Variants in NFIC observed in about 807,000 individuals in gnomAD.
NFIC encodes the protein nuclear factor I C, also known as nuclear factor 1 C-type.
NFIC carries 12 observed loss-of-function variants against 54.4 expected under a neutral mutation model. That is an observed-to-expected ratio of 0.22 (90% CI 0.14 to 0.36). The LOEUF (loss-of-function observed/expected upper bound fraction) is 0.36, where lower values mean the gene tolerates loss of function less well. Ranked by LOEUF, NFIC falls within the 10% of genes least tolerant of loss-of-function variation. The pLI, the probability that NFIC is intolerant of heterozygous loss-of-function variation, is 1.00. For synonymous variants in NFIC, 322 were observed against 319.2 expected (o/e 1.01, Z -0.09); for missense variants, 575 against 718.2 (o/e 0.80, Z 2.28).
intron 6 of NFIC, among the ~76,000 whole-genome samples, chr19:3,447,848 G>A (rs1225398337): frequency 6.6e-6 from 1 of 152,246 alleles, no homozygotes; most frequent in African/African-American, 2.4e-5. Flanking sequence ...GGAAGCCGAT[G>A]TTTGGTGGGT....
chr19:3,415,472 A>G (rs1466724630), intron 2 of NFIC, among the ~76,000 whole-genome samples: 2 of 151,990 alleles, frequency 1.3e-5, no homozygotes, highest in Non-Finnish European at 2.9e-5. Context: ...TACACAGGTC[A>G]GGTCTGCCTC....
At chr19:3,445,251 A>G (rs1388230307) in intron 6 of NFIC, among the ~76,000 whole-genome samples, 1 of 152,140 alleles carries the variant, frequency 6.6e-6, no homozygotes, top group Non-Finnish European at 1.5e-5. Flanking sequence ...ACGTGCCGAC[A>G]AGACCAGCCT....
rs575461977 is a variant in NFIC at position 3,427,468 on chromosome 19, G to C, written c.634+2291G>C. Among the ~76,000 whole-genome samples the C allele has an allele frequency of 3.7e-4, 57 of 152,208 alleles. 2 individuals carry two copies. In the South Asian group the frequency reaches 0.012, roughly 32 times the overall value. ...CTTGTAGAAAGAAAAGAAGGAGAGA[G>C]GGAGGGATGAAGCAGAGAGAAGAAG... On this transcript the variant is annotated intron_variant, in intron 3 of 10. Transcript: ENST00000443272.
At chr19:3,442,517 A>G (rs1266493057) in intron 6 of NFIC, among the ~76,000 whole-genome samples, 2 of 151,510 alleles carry the variant, frequency 1.3e-5, no homozygotes, top group Middle Eastern at 3.4e-3. Flanking sequence ...AATAGCTGGG[A>G]CTGGGACTAC....
chr19:3,395,741 C>T (rs748375465), intron 2 of NFIC, among the ~76,000 whole-genome samples: 8 of 151,806 alleles, frequency 5.3e-5, no homozygotes, highest in Non-Finnish European at 8.8e-5. Context: ...AGTGCAGTGG[C>T]GCAATCTTGG....
intron 3 of NFIC, among the ~76,000 whole-genome samples, chr19:3,432,547 T>A (rs1226718827): frequency 6.6e-6 from 1 of 152,002 alleles, no homozygotes; most frequent in East Asian, 1.9e-4. Context: ...GATGATGGGA[T>A]TGATGGTTTC....
At chr19:3,442,380 C>CTTTTT (rs10622379) in intron 6 of NFIC, among the ~76,000 whole-genome samples, 4 of 132,640 alleles carry the variant, frequency 3.0e-5, no homozygotes, top group Non-Finnish European at 4.8e-5. Context: ...CTTCCCATCC[C>CTTTTT]TTTTTTTTTT....
At chr19:3,410,688 T>C (rs1179330528) in intron 2 of NFIC, 1 of 152,292 alleles carries the variant, frequency 6.6e-6, no homozygotes, top group African/African-American at 2.4e-5. Context: ...CTCCTGGAGT[T>C]TGACAAAATG....
intron 2 of NFIC, among the ~76,000 whole-genome samples, chr19:3,392,123 GTGC>G (rs2081385885): frequency 6.9e-6 from 1 of 145,480 alleles, no homozygotes; most frequent in African/African-American, 2.6e-5. Flanking sequence ...CCAGGCAGGA[GTGC>G]AGTGGTGTGA....
chr19:3,372,236 G>A (rs1447489231), intron 1 of NFIC, among the ~76,000 whole-genome samples: 1 of 152,008 alleles, frequency 6.6e-6, no homozygotes, highest in African/African-American at 2.4e-5. Context: ...GGCCAGGCTG[G>A]TCTCAAACTC....
At position 3,381,816 on chromosome 19, in the gene NFIC, CGAGAAGCGG is replaced by C; in HGVS notation, c.136_144del (p.Glu46_Arg48del). ...GGAAGCGCAAGTACTTCAAGAAGCA[CGAGAAGCGG>C]ATGTCGAAGGACGAGGAGCGTGCGG... On this transcript the variant is annotated inframe_deletion, in exon 2 of 11. Coordinates refer to ENST00000443272, the MANE Select transcript of NFIC (RefSeq NM_001245002.2). 1 of 1,614,010 alleles carries C rather than the reference CGAGAAGCGG, an allele frequency of 6.2e-7. No individual in the cohort carries two copies. Among genetic ancestry groups the C allele is most frequent in the South Asian group, 1.1e-5 (1 of 91,084 alleles).
chr19:3,407,976 T>A (rs1194966482), intron 2 of NFIC, among the ~76,000 whole-genome samples: 2 of 152,172 alleles, frequency 1.3e-5, no homozygotes, highest in African/African-American at 4.8e-5. Context: ...AAGTTGAACC[T>A]TCGCCGGGTA....
intron 2 of NFIC, among the ~76,000 whole-genome samples, chr19:3,410,044 CTT>C (rs34960163): frequency 6.0e-5 from 9 of 150,100 alleles, no homozygotes; most frequent in South Asian, 2.1e-4. Context: ...TGCGTCTCTA[CTT>C]TTTTTTTTTC....
At chr19:3,394,513 T>TCCCCCC (rs1192475558) in intron 2 of NFIC, among the ~76,000 whole-genome samples, 5 of 9,020 alleles carry the variant, frequency 5.5e-4, no homozygotes, top group African/African-American at 1.9e-3. Context: ...TTATGATCTT[T>TCCCCCC]TCCCCACCCA....
intron 2 of NFIC, among the ~76,000 whole-genome samples, chr19:3,419,191 C>T (rs2081914526): frequency 6.6e-6 from 1 of 152,072 alleles, no homozygotes; most frequent in African/African-American, 2.4e-5. Flanking sequence ...TATTTAATGT[C>T]CCTAAAGCTG....
At chr19:3,418,719 G>C (rs1191577790) in intron 2 of NFIC, among the ~76,000 whole-genome samples, 1 of 152,126 alleles carries the variant, frequency 6.6e-6, no homozygotes, top group African/African-American at 2.4e-5. Flanking sequence ...AGGTGTGGTG[G>C]CAGGAGCCTG....
rs540006447 is a variant in NFIC, at chr19:3,453,504, G to A, written c.1270-259G>A. ...AGGAAATCAGTCGAGTTGGCGTGCA[G>A]GGGGTTTACAGAGGAGATGCAGTGA... On this transcript the variant is annotated intron_variant, in intron 8 of 10. Coordinates refer to ENST00000443272, the MANE Select transcript of NFIC (RefSeq NM_001245002.2). This position sits in a 1 kb window ranked among gnomAD's most constrained non-coding sequence, Gnocchi z 6.7. Among the ~76,000 whole-genome samples the A allele has an allele frequency of 6.6e-6, 1 of 152,308 alleles. No homozygotes were observed. Among genetic ancestry groups the A allele is most frequent in the Admixed American group, 6.5e-5 (1 of 15,292 alleles).
At chr19:3,449,261 C>A in intron 7 of NFIC, 122 bp downstream of exon 7, 1 of 1,404,782 alleles carries the variant, frequency 7.1e-7, no homozygotes, top group Non-Finnish European at 9.4e-7. Context: ...TCTAGGTGGG[C>A]AAAAAACCAT....
intron 2 of NFIC, among the ~76,000 whole-genome samples, chr19:3,407,905 A>G (rs1280392110): frequency 1.3e-5 from 2 of 152,154 alleles, no homozygotes; most frequent in African/African-American, 4.8e-5. Context: ...ACGGCACAGC[A>G]GGAGCTCAGA....
Sources: gnomAD v4.1 joint callset for allele counts (sites outside exome capture counted in the v4.1 genomes callset) on GRCh38, gnomAD v4.1.1 for gene constraint, Gnocchi (gnomAD v3.1) non-coding constraint, MANE v1.5 for transcripts, NCBI Gene and HGNC (gene_info 2026-07-23, HGNC 2026-07-21) for gene names.